ERG: variants seen among roughly 807,000 people sequenced by gnomAD.
ERG encodes ETS transcription factor ERG, also known as transcriptional regulator ERG.
Under a neutral mutation model 55.3 loss-of-function variants are expected in ERG, and 9 were observed. The observed-to-expected ratio is 0.16, with a 90% confidence interval of 0.10 to 0.28. The LOEUF is 0.28. Ranked by LOEUF, ERG falls within the 10% of genes least tolerant of loss-of-function variation. The probability of loss-of-function intolerance (pLI) is 1.00; values close to 1 mark genes in which losing one functional copy is unlikely to be tolerated. For synonymous variants in ERG, 223 were observed against 237.3 expected (o/e 0.94, Z 0.55); for missense variants, 434 against 631.6 (o/e 0.69, Z 3.35).
chr21:38,408,052 A>T (rs927303431), intron 3 of ERG, among the ~76,000 whole-genome samples: 10 of 152,132 alleles, frequency 6.6e-5, no homozygotes, highest in Non-Finnish European at 1.5e-4. Flanking sequence ...GTAAAATTAC[A>T]TGAAGTCAGA....
Position 38,403,687 on chromosome 21 carries a change from G to T in ERG, c.411C>A (p.Asp137Glu). 1 of 1,614,150 alleles carries T rather than the reference G, an allele frequency of 6.2e-7. No homozygotes were observed. Among genetic ancestry groups the T allele is most frequent in the Non-Finnish European group, 8.5e-7 (1 of 1,180,000 alleles). ...VPADPTLWST[D>E]HVRQWLEWAV... ...CCCACTCCAGCCACTGCCGCACATG[G>T]TCTGTACTCCATAGCGTAGGATCTG... The change falls in exon 4 of 10, where the codon GAC becomes GAA. Residue 137 changes from aspartate to glutamate, a missense_variant. Physicochemically the swap from Asp to Glu is conservative, Grantham distance 45 (BLOSUM62 2). Around this residue, in one of 5 missense-constraint regions of ERG, gnomAD observed 212 missense variants for 262.9 expected, o/e 0.81. Transcript: ENST00000288319.
intron 2 of ERG, among the ~76,000 whole-genome samples, chr21:38,561,693 G>A (rs1478177703): frequency 2.0e-5 from 3 of 152,086 alleles, no homozygotes; most frequent in Non-Finnish European, 4.4e-5. Context: ...TCAGTTGGCT[G>A]GATAATACCA....
chr21:38,569,195 T>C (rs1339761839), intron 2 of ERG, among the ~76,000 whole-genome samples: 1 of 152,150 alleles, frequency 6.6e-6, no homozygotes. Flanking sequence ...GTGGGGTACA[T>C]GGAAGGTTTG....
At chr21:38,608,635 C>T (rs1229261892) in intron 1 of ERG, among the ~76,000 whole-genome samples, 2 of 152,178 alleles carry the variant, frequency 1.3e-5, no homozygotes, top group Non-Finnish European at 2.9e-5. Flanking sequence ...TGGCCAGGAC[C>T]TAAAGCTGAG....
upstream of ERG, among the ~76,000 whole-genome samples, chr21:38,499,708 G>A (rs1405544263): frequency 1.3e-5 from 2 of 151,630 alleles, no homozygotes; most frequent in Admixed American, 1.3e-4. Context: ...AAAGAAGGAG[G>A]AGAAGGAGAA....
At chr21:38,430,216 T>C (rs1990141754) in intron 2 of ERG, among the ~76,000 whole-genome samples, 1 of 152,230 alleles carries the variant, frequency 6.6e-6, no homozygotes, top group African/African-American at 2.4e-5. Context: ...GTATTTCTTC[T>C]TTTGAGAATT....
intron 2 of ERG, among the ~76,000 whole-genome samples, chr21:38,438,708 G>T (rs960424415): frequency 6.6e-6 from 1 of 152,218 alleles, no homozygotes; most frequent in Non-Finnish European, 1.5e-5. Context: ...CTCAACTCAG[G>T]CAAGGACTTC....
At chr21:38,627,607 G>A (rs777103030) in intron 1 of ERG, among the ~76,000 whole-genome samples, 4 of 152,146 alleles carry the variant, frequency 2.6e-5, no homozygotes, top group Non-Finnish European at 4.4e-5. Context: ...TATAGAAGAT[G>A]AACATAAAGA....
At position 38,448,210 on chromosome 21, in the gene ERG, C is replaced by A. The variant is rs974299555; in HGVS notation, c.19-2589G>T. On this transcript the variant is annotated intron_variant, in intron 1 of 9. Coordinates refer to ENST00000288319, the MANE Select transcript of ERG (RefSeq NM_182918.4). ...CACATGGTTTTCTAAAGAAAGAAAT[C>A]AAAGTTAATTGAGATCGATTTAGGA... Among the ~76,000 whole-genome samples, 18 of 152,102 alleles carry A rather than the reference C, an allele frequency of 1.2e-4. 1 individual carries two copies. Among genetic ancestry groups the A allele is most frequent in the African/African-American group, 4.3e-4 (18 of 41,434 alleles).
intron 1 of ERG, among the ~76,000 whole-genome samples, chr21:38,658,091 GA>G (rs912111321): frequency 6.6e-5 from 10 of 152,244 alleles, no homozygotes; most frequent in Non-Finnish European, 1.2e-4. Flanking sequence ...TGCTCCCTGG[GA>G]AAGCCCAAGT....
the ERG span, among the ~76,000 whole-genome samples, chr21:38,368,541 C>T: frequency 6.6e-6 from 1 of 152,170 alleles, no homozygotes; most frequent in Non-Finnish European, 1.5e-5. Context: ...CAGGCCCCAA[C>T]TCCAACACTG....
intron 1 of ERG, among the ~76,000 whole-genome samples, chr21:38,590,499 T>A (rs2060093384): frequency 6.6e-6 from 1 of 152,270 alleles, no homozygotes; most frequent in Non-Finnish European, 1.5e-5. Context: ...ATGATTTCAC[T>A]GATAATGTTG....
chr21:38,453,830 G>A (rs989869245), intron 1 of ERG, among the ~76,000 whole-genome samples: 3 of 149,434 alleles, frequency 2.0e-5, no homozygotes, highest in Non-Finnish European at 1.5e-5. Context: ...GCTGCAGTGA[G>A]CTGAGATCGC....
chr21:38,590,428 T>TC (rs1007376420), intron 1 of ERG, among the ~76,000 whole-genome samples: 12 of 152,256 alleles, frequency 7.9e-5, no homozygotes, highest in Admixed American at 5.2e-4. Flanking sequence ...CACCTGTATG[T>TC]CCCACAAGGC....
At chr21:38,655,103 T>C (rs2060511008) in intron 1 of ERG, among the ~76,000 whole-genome samples, 1 of 152,180 alleles carries the variant, frequency 6.6e-6, no homozygotes, top group African/African-American at 2.4e-5. Context: ...TGCTAGTACA[T>C]CCTTCACTTA....
upstream of ERG, among the ~76,000 whole-genome samples, chr21:38,585,552 T>TTTTTTTTTTTTTTTTTTTTTTTTTTTC (rs1421192943): frequency 6.9e-6 from 1 of 144,042 alleles, no homozygotes; most frequent in Non-Finnish European, 1.5e-5. Flanking sequence ...TTTTTTTTTT[T>TTTTTTTTTTTTTTTTTTTTTTTTTTTC]TTTTTTAGAT....
chr21:38,561,810 A>T (rs2059894641), intron 2 of ERG, among the ~76,000 whole-genome samples: 1 of 152,214 alleles, frequency 6.6e-6, no homozygotes, highest in Non-Finnish European at 1.5e-5. Context: ...CAGCAGAGTT[A>T]ATGTTTAATA....
At chr21:38,411,857 A>G (rs533722474) in intron 3 of ERG, among the ~76,000 whole-genome samples, 1 of 152,162 alleles carries the variant, frequency 6.6e-6, no homozygotes, top group Non-Finnish European at 1.5e-5. Context: ...AGTTCATTAC[A>G]TATTTCAAGG....
intron 2 of ERG, among the ~76,000 whole-genome samples, chr21:38,562,159 C>A (rs912281034): frequency 1.2e-4 from 18 of 152,044 alleles, no homozygotes; most frequent in African/African-American, 4.4e-4. Flanking sequence ...CAGAATGTAT[C>A]CAGAGTACAA....
Sources: allele counts gnomAD v4.1 joint callset (sites outside exome capture counted in the v4.1 genomes callset), GRCh38; gene constraint gnomAD v4.1.1; regional missense constraint gnomAD v4.1.1; transcripts MANE v1.5; gene names NCBI Gene and HGNC (gene_info 2026-07-23, HGNC 2026-07-21).